WARS2: variants seen among roughly 807,000 people sequenced by gnomAD.
The protein encoded by WARS2 is tryptophan--tRNA ligase, mitochondrial.
In WARS2, 28 loss-of-function variants were observed where a neutral mutation model predicts 36.5. The ratio of observed to expected loss-of-function variants is 0.77; its 90% confidence interval spans 0.57 to 1.05. The LOEUF is 1.05. WARS2 is among the 50% of genes least tolerant of loss of function. WARS2 has a pLI of 0.00. For missense variants in WARS2, 435 were observed against 456.8 expected (o/e 0.95, Z 0.44); for synonymous variants, 174 against 178.4 (o/e 0.98, Z 0.20).
chr1:119,050,678 T>C (rs17023174), intron 2 of WARS2, among the ~76,000 whole-genome samples: 44,761 of 151,868 alleles, frequency 0.29, 7,238 homozygotes, highest in African/African-American at 0.43. Flanking sequence ...AAAAACATAC[T>C]AGTGTGTGAA....
At chr1:119,077,920 C>T (rs943885529) in intron 1 of WARS2, among the ~76,000 whole-genome samples, 4 of 152,168 alleles carry the variant, frequency 2.6e-5, no homozygotes, top group African/African-American at 9.6e-5. Context: ...ACCACCACCA[C>T]AGCAAAACAA....
chr1:119,034,564 T>A (rs972257298), intron 4 of WARS2, among the ~76,000 whole-genome samples: 1 of 152,184 alleles, frequency 6.6e-6, no homozygotes, highest in Non-Finnish European at 1.5e-5. Context: ...CAGCACATAT[T>A]ATTCCCAGCC....
chr1:119,090,003 T>C (rs888279966), intron 1 of WARS2, among the ~76,000 whole-genome samples: 2 of 152,028 alleles, frequency 1.3e-5, no homozygotes, highest in Non-Finnish European at 2.9e-5. Flanking sequence ...TCAGGAAGAA[T>C]AGCTAATGGA....
At chr1:119,085,130 C>T (rs112427934) in intron 1 of WARS2, 18 of 782,986 alleles carry the variant, frequency 2.3e-5, no homozygotes, top group Middle Eastern at 2.6e-4. Context: ...GCCCGTTGTA[C>T]GGGCTAGAAA....
chr1:119,096,353 T>C (rs1342784738), intron 1 of WARS2, among the ~76,000 whole-genome samples: 1 of 152,168 alleles, frequency 6.6e-6, no homozygotes. Context: ...CTCCTTAATA[T>C]TTTATTTTGC....
rs970072002 is a variant in WARS2 at position 119,116,311 on chromosome 1, C to T, written c.90+24244G>A. On this transcript the variant is annotated intron_variant, in intron 1 of 5. Coordinates refer to ENST00000235521, the MANE Select transcript of WARS2 (RefSeq NM_015836.4). ...AATACGTTTACCTTCCAGGTTCTTC[C>T]GTAAAACAAAGATAAGTCAACTTAA... Among the ~76,000 whole-genome samples the T allele has an allele frequency of 4.6e-5, 7 of 151,988 alleles. No homozygotes were observed. The South Asian group carries it at 6.2e-4, about 14-fold the overall frequency.
Position 119,140,606 on chromosome 1 carries a change from C to T in WARS2, c.39G>A (p.Trp13Ter). 6.2e-7 allele frequency: 1 copy of T among 1,613,944 alleles called. No individual in the cohort carries two copies. The highest frequency in any genetic ancestry group is 1.1e-5 in the South Asian group (1 of 91,050). The change falls in exon 1 of 6, where the codon TGG becomes TGA. Residue 13 changes from tryptophan to a stop codon, truncating the protein, a stop_gained. Transcript: ENST00000235521. LOFTEE classifies it high-confidence loss of function. ...LHSMRKARERWSFIRALHKGS... is the reference protein window; with the variant it reads ...LHSMRKARER ...CCTTATGAAGTGCCCGGATGAAGCT[C>T]CAGCGCTCACGCGCTTTCCGCATTG...
At chr1:119,108,828 T>C (rs1219531489) in intron 1 of WARS2, among the ~76,000 whole-genome samples, 1 of 152,002 alleles carries the variant, frequency 6.6e-6, no homozygotes. Flanking sequence ...TTTAGATCTT[T>C]TTCTTTTCAA....
chr1:119,128,712 T>C (rs587764084), intron 1 of WARS2, among the ~76,000 whole-genome samples: 26 of 152,140 alleles, frequency 1.7e-4, no homozygotes, highest in African/African-American at 6.0e-4. Flanking sequence ...TTACTCCTTT[T>C]TGAAGAGCCA....
intron 1 of WARS2, chr1:119,140,223 T>G: frequency 4.2e-6 from 1 of 240,474 alleles, no homozygotes; most frequent in Non-Finnish European, 8.1e-6. Flanking sequence ...GAGCAGTCTC[T>G]AAAACAACCC....
At chr1:119,059,299 C>T (rs1650165184) in intron 2 of WARS2, among the ~76,000 whole-genome samples, 1 of 151,776 alleles carries the variant, frequency 6.6e-6, no homozygotes, top group African/African-American at 2.4e-5. Context: ...TGCAGAAGCT[C>T]TTTAGTTTAA....
chr1:119,087,287 C>T (rs1652744634), intron 1 of WARS2, among the ~76,000 whole-genome samples: 1 of 152,048 alleles, frequency 6.6e-6, no homozygotes, highest in Non-Finnish European at 1.5e-5. Flanking sequence ...TGTTGTGGTC[C>T]CCTTATAAAT....
intron 1 of WARS2, among the ~76,000 whole-genome samples, chr1:119,125,259 C>T (rs1266261059): frequency 6.6e-6 from 1 of 152,158 alleles, no homozygotes; most frequent in Non-Finnish European, 1.5e-5. Flanking sequence ...GTTCTCACCA[C>T]CTTCAGGTCT....
At chr1:119,076,303 A>T in intron 2 of WARS2, 47 bp downstream of exon 2, 1 of 1,591,964 alleles carries the variant, frequency 6.3e-7, no homozygotes, top group Non-Finnish European at 8.6e-7. Context: ...TTTTCCTCAA[A>T]TAATCTACAC....
intron 2 of WARS2, among the ~76,000 whole-genome samples, chr1:119,068,549 A>G (rs1255957626): frequency 6.6e-6 from 1 of 152,068 alleles, no homozygotes; most frequent in African/African-American, 2.4e-5. Context: ...TCGTAACACA[A>G]TATCTGGTGG....
chr1:119,051,154 AG>A (rs1649317562), intron 2 of WARS2, among the ~76,000 whole-genome samples: 1 of 152,078 alleles, frequency 6.6e-6, no homozygotes, highest in South Asian at 2.1e-4. Flanking sequence ...AGTACCTATT[AG>A]TTATTTTTCT....
In WARS2 at chr1:119,033,141, G is replaced by C. The variant is rs762869916; in HGVS notation, c.853C>G (p.Leu285Val). The C allele has an allele frequency of 6.2e-7, 1 of 1,614,088 alleles. No individual in the cohort carries two copies. The highest frequency in any genetic ancestry group is 2.2e-5 in the East Asian group (1 of 44,888). ...CGGCGCACCACTTCCTCCACGGAGA[G>C]CCCCGTCACCGCGGCATGCACCGCC... ...IVAVHAAVTGLSVEEVVRRSA... is the reference protein window; with the variant it reads ...IVAVHAAVTGVSVEEVVRRSA... Residue 285 changes from leucine (L) to valine (V), a missense_variant, in exon 6 of 6, where the codon CTC becomes GTC. Transcript: ENST00000235521.
chr1:119,034,236 A>G (rs772615230), intron 4 of WARS2, 23 bp from the exon 5 acceptor site: 5 of 1,582,776 alleles, frequency 3.2e-6, no homozygotes, highest in Middle Eastern at 3.3e-4. Context: ...ACAGACAGAA[A>G]AACAACAGCA....
chr1:119,040,679 T>C (rs1648275480), intron 4 of WARS2, among the ~76,000 whole-genome samples: 1 of 152,206 alleles, frequency 6.6e-6, no homozygotes, highest in African/African-American at 2.4e-5. Context: ...ATCAAAGACA[T>C]AGTCATCATT....
Sources: gnomAD v4.1 joint callset for allele counts (sites outside exome capture counted in the v4.1 genomes callset) on GRCh38, gnomAD v4.1.1 for gene constraint, MANE v1.5 for transcripts, NCBI Gene and HGNC (gene_info 2026-07-23, HGNC 2026-07-21) for gene names.